Variants in PC observed in about 807,000 individuals in gnomAD.
PC encodes pyruvate carboxylase, mitochondrial.
A neutral mutation model predicts 107.8 loss-of-function variants in PC; 46 were observed. That is an observed-to-expected ratio of 0.43 (90% confidence interval 0.34 to 0.55). The LOEUF is 0.55. PC is among the 20% of genes least tolerant of loss of function. The pLI, the probability that PC is intolerant of heterozygous loss-of-function variation, is 0.04. For missense variants in PC, 1,241 were observed against 1,643.1 expected, an observed-to-expected ratio of 0.76 and a Z score of 4.23; for synonymous variants, 662 against 684.7, an observed-to-expected ratio of 0.97 and a Z score of 0.52.
chr11:66,861,471 G>A (rs1359386873), intron 12 of PC, among the ~76,000 whole-genome samples: 1 of 152,256 alleles, frequency 6.6e-6, no homozygotes, highest in Non-Finnish European at 1.5e-5. Flanking sequence ...AGGCATACGT[G>A]TGTTCACGTG....
In PC at chr11:66,871,931, G is replaced by A. The variant is rs1437625998; in HGVS notation, c.137-60C>T. 1.9e-6 allele frequency: 3 copies of A among 1,581,250 alleles called. No homozygotes were observed. The highest frequency in any genetic ancestry group is 1.7e-4 in the Middle Eastern group (1 of 6,010). ...GGTCCTAGGAGAAGCAGAAAGGGGAGTGGGAAGCCAGGGCCTGGGGCAGTG... is the reference window on the plus strand; with the variant it reads ...GGTCCTAGGAGAAGCAGAAAGGGGAATGGGAAGCCAGGGCCTGGGGCAGTG... On this transcript the variant is annotated intron_variant, in intron 4 of 22. Coordinates refer to ENST00000393960, the MANE Select transcript of PC (RefSeq NM_001040716.2). The surrounding 1 kb of genome is among the most constrained non-coding windows in gnomAD (Gnocchi z 7.4).
At chr11:66,853,707 C>T (rs1945644057) in intron 12 of PC, among the ~76,000 whole-genome samples, 1 of 152,244 alleles carries the variant, frequency 6.6e-6, no homozygotes, top group African/African-American at 2.4e-5. Flanking sequence ...GTCACCCTTG[C>T]CCCTCGTCCA....
chr11:66,873,636 C>G (rs967200188), intron 3 of PC, among the ~76,000 whole-genome samples: 1 of 141,956 alleles, frequency 7.0e-6, no homozygotes, highest in Non-Finnish European at 1.5e-5. Context: ...AGAGGTTGGC[C>G]AGCCCTTCAT....
intron 3 of PC, among the ~76,000 whole-genome samples, chr11:66,886,697 G>A (rs910634774): frequency 6.6e-6 from 1 of 152,138 alleles, no homozygotes; most frequent in Non-Finnish European, 1.5e-5. Flanking sequence ...TAAGGTGAAC[G>A]ATGGCAACAC....
intron 3 of PC, among the ~76,000 whole-genome samples, chr11:66,909,855 A>T (rs1565280710): frequency 6.6e-6 from 1 of 152,114 alleles, no homozygotes. Context: ...TGTGGCCAGG[A>T]CACGGGCCAT....
At chr11:66,907,345 T>G (rs986494677) in intron 3 of PC, among the ~76,000 whole-genome samples, 1 of 152,176 alleles carries the variant, frequency 6.6e-6, no homozygotes, top group African/African-American at 2.4e-5. Flanking sequence ...CTGGCCAGCA[T>G]GGTGAAACCC....
intron 1 of PC, among the ~76,000 whole-genome samples, chr11:66,955,406 G>T (rs1258664774): frequency 6.6e-6 from 1 of 152,192 alleles, no homozygotes; most frequent in Non-Finnish European, 1.5e-5. Flanking sequence ...GGGCCTGGGG[G>T]ACCTACTGTG....
rs1340299308 is a variant in PC, at chr11:66,892,811, C to T, written c.1-20652G>A. ...TGGAGGTTGCAGTGAGCCAAGATGG[C>T]GCCACTGCATTCTAGCCTGGGTGAC... On this transcript the variant is annotated intron_variant, in intron 3 of 22. Coordinates refer to ENST00000393960, the MANE Select transcript of PC (RefSeq NM_001040716.2). Among the ~76,000 whole-genome samples the T allele has an allele frequency of 5.9e-5, 9 of 151,772 alleles. No individual in the cohort carries two copies. The East Asian group carries it at 1.5e-3, about 26-fold the overall frequency.
intron 3 of PC, chr11:66,907,929 CCT>C (rs935437910): frequency 1.4e-4 from 21 of 152,344 alleles, no homozygotes; most frequent in African/African-American, 5.1e-4. Context: ...AGGTTAATCC[CCT>C]GTCAATGACT....
intron 12 of PC, among the ~76,000 whole-genome samples, chr11:66,855,953 C>T (rs1051246575): frequency 5.9e-5 from 9 of 152,240 alleles, no homozygotes; most frequent in Non-Finnish European, 1.3e-4. Context: ...CCATGGGGAT[C>T]AGGGCTGGAG....
intron 11 of PC, among the ~76,000 whole-genome samples, chr11:66,864,313 G>C (rs1946402319): frequency 6.6e-6 from 1 of 152,242 alleles, no homozygotes; most frequent in Admixed American, 6.5e-5. Context: ...CAACCCTCTA[G>C]CCTTTCAGAC....
chr11:66,850,456 T>C lies in PC; in HGVS notation c.2482A>G (p.Met828Val), dbSNP rs753877093. The change falls in exon 19 of 23, where the codon ATG becomes GTG. Residue 828 changes from methionine (M) to valine (V), a missense_variant. Physicochemically the swap from Met to Val is conservative, Grantham distance 21. Around this residue, in one of 2 missense-constraint regions of PC, gnomAD observed 1,143 missense variants for 1,551.9 expected, o/e 0.74. Transcript: ENST00000393960. Reference sequence around the variant, plus strand: ...TCACTGTAGTCAAACACGCGCTCCATGGGCACCTCTGCAGGGAGGCCAGAG... The same window carrying C: ...TCACTGTAGTCAAACACGCGCTCCACGGGCACCTCTGCAGGGAGGCCAGAG... ...RGTPLDTEVP[M>V]ERVFDYSEYW... The C allele has an allele frequency of 6.2e-7, 1 of 1,613,896 alleles. No individual in the cohort carries two copies. The highest frequency in any genetic ancestry group is 1.1e-5 in the South Asian group (1 of 91,082).
chr11:66,853,640 C>T lies in PC; in HGVS notation c.1369-257G>A, dbSNP rs575880123. The stretch of plus-strand genomic sequence containing the variant: ...ATGTGCTGAAGGCCACCCTTCCTGC[C>T]TCCCCGCAGCCTAGAACAGGGCTCA... On this transcript the variant is annotated intron_variant, in intron 12 of 22. Coordinates refer to ENST00000393960, the MANE Select transcript of PC (RefSeq NM_001040716.2). Among the ~76,000 whole-genome samples, 7 of 152,328 alleles carry T rather than the reference C, an allele frequency of 4.6e-5. No individual in the cohort carries two copies. In the East Asian group the frequency reaches 1.3e-3, roughly 29 times the overall value.
chr11:66,919,869 G>T (rs1432182950), intron 3 of PC: 1 of 152,166 alleles, frequency 6.6e-6, no homozygotes. Flanking sequence ...TGGAGAAGAG[G>T]TACAGAGATG....
In PC at chr11:66,863,232, C is replaced by T. The variant is rs938970109; in HGVS notation, c.1368+542G>A. 4.6e-5 allele frequency among the ~76,000 whole-genome samples: 7 copies of T among 151,978 alleles called. 1 individual carries two copies. The highest frequency in any genetic ancestry group is 1.7e-4 in the African/African-American group (7 of 41,352). On this transcript the variant is annotated intron_variant, in intron 12 of 22. Coordinates refer to ENST00000393960, the MANE Select transcript of PC (RefSeq NM_001040716.2). ...GGGGGCACCTGTAGTCCCAGCTACT[C>T]GGGAGGCTGAGGCAGGAGAATCGCT...
intron 3 of PC, among the ~76,000 whole-genome samples, chr11:66,885,214 C>T (rs1375758834): frequency 2.0e-5 from 3 of 152,158 alleles, no homozygotes; most frequent in East Asian, 1.9e-4. Context: ...TTGGGCCAGG[C>T]GCGATGGCTC....
rs753961343 is a variant in PC at position 66,849,226 on chromosome 11, A to G, written c.3288+4T>C. 40 of 1,613,784 alleles carry G rather than the reference A, an allele frequency of 2.5e-5. No individual in the cohort carries two copies. Among genetic ancestry groups the G allele is most frequent in the Middle Eastern group, 3.3e-4 (2 of 6,062 alleles). On this transcript the variant is annotated splice_donor_region_variant and intron_variant, in intron 22 of 22. Transcript: ENST00000393960. ...CGCCTGGCTGGCCCTGGGGGAGACA[A>G]TACCTTCATGGCCTGGGTGTCCTTG...
At chr11:66,893,988 CTT>C (rs1482996434) in intron 3 of PC, among the ~76,000 whole-genome samples, 2 of 152,026 alleles carry the variant, frequency 1.3e-5, no homozygotes, top group Non-Finnish European at 2.9e-5. Context: ...ATCCTTCCCT[CTT>C]TTCATTTCTA....
chr11:66,863,999 G>C (rs201358739), intron 11 of PC, 43 bp from the exon 12 acceptor site: 1 of 1,603,458 alleles, frequency 6.2e-7, no homozygotes, highest in African/African-American at 1.3e-5. Context: ...CAGAAACTGC[G>C]GTCAAAAGTG....
Sources: allele counts gnomAD v4.1 joint callset (sites outside exome capture counted in the v4.1 genomes callset), GRCh38; gene constraint gnomAD v4.1.1; regional missense constraint gnomAD v4.1.1; non-coding constraint Gnocchi (gnomAD v3.1); transcripts MANE v1.5; gene names NCBI Gene and HGNC (gene_info 2026-07-23, HGNC 2026-07-21).